Variants in PCDHGB3 observed in about 807,000 individuals in gnomAD.
PCDHGB3 encodes protocadherin gamma-B3.
PCDHGB3 carries 40 observed loss-of-function variants against 59.2 expected under a neutral mutation model. The observed-to-expected ratio is 0.68, with a 90% CI of 0.52 to 0.88. The LOEUF is 0.88. Among genes scored for constraint, PCDHGB3 ranks in the 40% least tolerant of loss-of-function variants. PCDHGB3 has a pLI of 0.00. For synonymous variants in PCDHGB3, 581 were observed against 503.6 expected, an observed-to-expected ratio of 1.15 and a Z score of -2.06; for missense variants, 1,309 against 1,187.9, an observed-to-expected ratio of 1.10 and a Z score of -1.50.
chr5:141,370,407 T>C lies in PCDHGB3; in HGVS notation c.13T>C (p.Ser5Pro). 4 of 1,561,028 alleles carry C rather than the reference T, an allele frequency of 2.6e-6. No individual in the cohort carries two copies. The Admixed American group carries it at 5.9e-5, about 23-fold the overall frequency. Reference protein sequence around the residue: MGNSSGWRGPAGQRR... With the variant: MGNSPGWRGPAGQRR... ...CGCAGAGAGCGGGATGGGAAATAGCTCCGGATGGAGGGGCCCAGCAGGGCA... is the reference window on the plus strand; with the variant it reads ...CGCAGAGAGCGGGATGGGAAATAGCCCCGGATGGAGGGGCCCAGCAGGGCA... The change falls in exon 1 of 4, where the codon TCC becomes CCC. Residue 5 changes from serine (S) to proline (P), a missense_variant. Transcript: ENST00000576222.
Position 141,422,537 on chromosome 5 carries a change from C to T in PCDHGB3, c.2415+49728C>T, listed in dbSNP as rs993210917. 2.5e-6 allele frequency: 4 copies of T among 1,613,874 alleles called. No individual in the cohort carries two copies. Among genetic ancestry groups the T allele is most frequent in the Non-Finnish European group, 3.4e-6 (4 of 1,179,894 alleles). ...GGAAGCCCGCCTTTGTCTGCAGAAA[C>T]TCATGTCTGGCTGAATGTGGCAGAT... is the stretch of plus-strand genomic sequence containing the variant. On this transcript the variant is annotated intron_variant, in intron 1 of 3. Coordinates refer to ENST00000576222, the MANE Select transcript of PCDHGB3 (RefSeq NM_018924.5).
chr5:141,489,470 T>C lies in PCDHGB3; in HGVS notation c.2416-5337T>C, dbSNP rs1030378524. 1 of 1,613,874 alleles carries C rather than the reference T, an allele frequency of 6.2e-7. No homozygotes were observed. The highest frequency in any genetic ancestry group is 8.5e-7 in the Non-Finnish European group (1 of 1,179,838). ...GAGGAGAATGGGCGCTATTTTTCCCTGAGCTTGATGAGTGGTGCCCTGGCA... is the reference window on the plus strand; with the variant it reads ...GAGGAGAATGGGCGCTATTTTTCCCCGAGCTTGATGAGTGGTGCCCTGGCA... On this transcript the variant is annotated intron_variant, in intron 1 of 3. Transcript: ENST00000576222. This position sits in a 1 kb window ranked among gnomAD's most constrained non-coding sequence, Gnocchi z 4.5.
chr5:141,376,721 C>T (rs938507888), intron 1 of PCDHGB3: 2 of 596,528 alleles, frequency 3.4e-6, no homozygotes, highest in Admixed American at 3.5e-5. Context: ...GCTCTGTCGC[C>T]CAGGCCGGAC....
chr5:141,385,604 C>T, intron 1 of PCDHGB3: 1 of 1,188,174 alleles, frequency 8.4e-7, no homozygotes, highest in Non-Finnish European at 1.1e-6. Flanking sequence ...TTTCTTAACT[C>T]ATATATTTTA....
chr5:141,403,202 T>A, intron 1 of PCDHGB3: 4 of 1,613,984 alleles, frequency 2.5e-6, no homozygotes, highest in Non-Finnish European at 3.4e-6. Context: ...CAGCGGCACC[T>A]TGGTCACCGC....
At chr5:141,428,293 C>G (rs1278634119) in intron 1 of PCDHGB3, 1 of 716,436 alleles carries the variant, frequency 1.4e-6, no homozygotes, top group South Asian at 1.6e-5. Flanking sequence ...AGCAAAGCTG[C>G]AGATTTACCT....
chr5:141,390,060 C>G, intron 1 of PCDHGB3: 3 of 1,614,082 alleles, frequency 1.9e-6, no homozygotes, highest in Non-Finnish European at 2.5e-6. Flanking sequence ...GAGCTGCTTC[C>G]AGCCTGGTCT....
Position 141,486,243 on chromosome 5 carries a change from G to T in PCDHGB3, c.2416-8564G>T. ...TACATCACAGTGACCTCAGAGCTTG[G>T]AACCCTCCCCGAGAGTGCAGAACCT... is the stretch of plus-strand genomic sequence containing the variant. On this transcript the variant is annotated intron_variant, in intron 1 of 3. Coordinates refer to ENST00000576222, the MANE Select transcript of PCDHGB3 (RefSeq NM_018924.5). The surrounding 1 kb of genome is among the most constrained non-coding windows in gnomAD (Gnocchi z 5.0). 1 of 1,614,156 alleles carries T rather than the reference G, an allele frequency of 6.2e-7. No individual in the cohort carries two copies. Among genetic ancestry groups the T allele is most frequent in the Non-Finnish European group, 8.5e-7 (1 of 1,180,018 alleles).
chr5:141,399,038 A>G (rs1228007346), intron 1 of PCDHGB3: 2 of 1,613,854 alleles, frequency 1.2e-6, no homozygotes, highest in South Asian at 2.2e-5. Context: ...AAGAAACTGG[A>G]TTTTGAAGAG....
At position 141,423,606 on chromosome 5, in the gene PCDHGB3, G is replaced by A. The variant is rs945897368; in HGVS notation, c.2415+50797G>A. 9 of 1,612,046 alleles carry A rather than the reference G, an allele frequency of 5.6e-6. No individual in the cohort carries two copies. In the Admixed American group the frequency reaches 1.0e-4, roughly 18 times the overall value. On this transcript the variant is annotated intron_variant, in intron 1 of 3. Transcript: ENST00000576222. ...GCTGTGAGAAAAGCGAGCCACTCTT[G>A]ATAGCTGAAGACTCAGCTATCATTT...
At position 141,477,938 on chromosome 5, in the gene PCDHGB3, T is replaced by C. The variant is rs1441443411; in HGVS notation, c.2416-16869T>C. The stretch of plus-strand genomic sequence containing the variant: ...TGCAGGGCACAATGCCTGGCTCTCC[T>C]ACAGTCTCTTGGGATCCCCTAACCA... On this transcript the variant is annotated intron_variant, in intron 1 of 3. Transcript: ENST00000576222. The surrounding 1 kb of genome is among the most constrained non-coding windows in gnomAD (Gnocchi z 4.9). The C allele has an allele frequency of 3.1e-6, 5 of 1,614,036 alleles. No homozygotes were observed. The highest frequency in any genetic ancestry group is 4.2e-6 in the Non-Finnish European group (5 of 1,180,030).
intron 1 of PCDHGB3, among the ~76,000 whole-genome samples, chr5:141,492,438 G>C (rs2099740636): frequency 6.6e-6 from 1 of 152,236 alleles, no homozygotes; most frequent in Non-Finnish European, 1.5e-5. Flanking sequence ...AGGAGTACTC[G>C]TAGCTGATTG....
chr5:141,372,918 G>A (rs1350578389), intron 1 of PCDHGB3, 109 bp downstream of exon 1: 1 of 1,022,894 alleles, frequency 9.8e-7, no homozygotes, highest in African/African-American at 1.6e-5. Flanking sequence ...TTATTTTATT[G>A]ATTTTCTGGT....
chr5:141,400,727 G>A (rs2094067426), intron 1 of PCDHGB3: 2 of 649,836 alleles, frequency 3.1e-6, no homozygotes, highest in African/African-American at 1.8e-5. Flanking sequence ...GATTTACAAA[G>A]TAGTGAGAGT....
At chr5:141,430,589 G>A in intron 1 of PCDHGB3, 1 of 529,266 alleles carries the variant, frequency 1.9e-6, no homozygotes, top group Non-Finnish European at 3.1e-6. Context: ...TGCTCGCCTT[G>A]CACGCGCCTG....
intron 1 of PCDHGB3, chr5:141,423,913 C>T: frequency 7.9e-7 from 1 of 1,269,552 alleles, no homozygotes; most frequent in Non-Finnish European, 1.0e-6. Context: ...AGGGGCCATT[C>T]AACTATGCTG....
intron 3 of PCDHGB3, among the ~76,000 whole-genome samples, 188 bp from the exon 4 acceptor site, chr5:141,510,759 G>A (rs1026623444): frequency 6.6e-5 from 10 of 152,172 alleles, no homozygotes; most frequent in African/African-American, 2.4e-4. Context: ...TCTCACTCCA[G>A]AGCCTCTTAA....
At chr5:141,409,702 G>C (rs545411022) in intron 1 of PCDHGB3, 2 of 1,613,108 alleles carry the variant, frequency 1.2e-6, no homozygotes, top group African/African-American at 2.7e-5. Context: ...AGCCCCTGGC[G>C]GTGTCGTCAT....
At position 141,372,410 on chromosome 5, in the gene PCDHGB3, A is replaced by G. The variant is rs764498768; in HGVS notation, c.2016A>G (p.Gln672=). The change falls in exon 1 of 4, where the codon CAA becomes CAG. Residue 672 remains glutamine (Q), a synonymous_variant. Coordinates refer to ENST00000576222, the MANE Select transcript of PCDHGB3 (RefSeq NM_018924.5). ...LIFADSLQEI[Q]PDLSDRPTPS... ...TCGCAGATAGCTTGCAAGAGATACA[A>G]CCTGACCTTAGCGACCGCCCCACTC... is the stretch of plus-strand genomic sequence containing the variant. 1.2e-6 allele frequency: 2 copies of G among 1,613,980 alleles called. No homozygotes were observed. Among genetic ancestry groups the G allele is most frequent in the African/African-American group, 2.7e-5 (2 of 75,046 alleles).
Sources: gnomAD v4.1 joint callset for allele counts (sites outside exome capture counted in the v4.1 genomes callset) on GRCh38, gnomAD v4.1.1 for gene constraint, Gnocchi (gnomAD v3.1) non-coding constraint, MANE v1.5 for transcripts, NCBI Gene and HGNC (gene_info 2026-07-23, HGNC 2026-07-21) for gene names.